Variants in ZMYM1 observed in about 807,000 individuals in gnomAD.
ZMYM1 encodes zinc finger MYM-type containing 1, also known as zinc finger MYM-type protein 1.
In ZMYM1, 39 loss-of-function variants were observed where a neutral mutation model predicts 60.0. The observed-to-expected ratio is 0.65, with a 90% CI of 0.50 to 0.85. The LOEUF (loss-of-function observed/expected upper bound fraction) is 0.85. Among genes scored for constraint, ZMYM1 ranks in the 40% least tolerant of loss-of-function variants. The pLI is 0.00. For missense variants in ZMYM1, 1,171 were observed against 1,309.5 expected (o/e 0.89, Z 1.63); for synonymous variants, 413 against 454.0 (o/e 0.91, Z 1.15).
chr1:35,067,874 C>CA (rs1241912230), intron 1 of ZMYM1, among the ~76,000 whole-genome samples: 7 of 147,898 alleles, frequency 4.7e-5, no homozygotes, highest in East Asian at 2.0e-4. Context: ...AAGTTCTGTC[C>CA]AAAAAAAACA....
At chr1:35,084,625 T>C (rs533351809) in intron 1 of ZMYM1, among the ~76,000 whole-genome samples, 8 of 152,328 alleles carry the variant, frequency 5.3e-5, no homozygotes, top group African/African-American at 1.7e-4. Flanking sequence ...GAAATCCAGG[T>C]CTTTACCAAA....
In ZMYM1 at chr1:35,099,056, G is replaced by A. The variant is rs141155757; in HGVS notation, c.419+1490G>A. Among the ~76,000 whole-genome samples, 705 of 152,252 alleles carry A rather than the reference G, an allele frequency of 4.6e-3. 5 individuals carry two copies. The highest frequency in any genetic ancestry group is 7.4e-3 in the Admixed American group (113 of 15,282). ...TGATAAATGTACAAAAGAATTATGA[G>A]CATTAAATAGTATATTTAAGTGGTC... On this transcript the variant is annotated intron_variant, in intron 4 of 9. Coordinates refer to ENST00000359858, the MANE Select transcript of ZMYM1 (RefSeq NM_024772.5).
chr1:35,104,369 T>G lies in ZMYM1; in HGVS notation c.494T>G (p.Leu165Arg). 4 of 1,612,956 alleles carry G rather than the reference T, an allele frequency of 2.5e-6. No individual in the cohort carries two copies. The highest frequency in any genetic ancestry group is 3.4e-6 in the Non-Finnish European group (4 of 1,179,660). Residue 165 changes from leucine to arginine, a missense_variant, in exon 5 of 10, where the codon CTA (leucine) becomes CGA (arginine). Transcript: ENST00000359858. Reference sequence around the variant, plus strand: ...ACCTCTTGCAAAACTTTTTGCAGCCTATCTTGTCTTTCATCATATGAAGAA... The same window carrying G: ...ACCTCTTGCAAAACTTTTTGCAGCCGATCTTGTCTTTCATCATATGAAGAA... ...DTTSCKTFCS[L>R]SCLSSYEEKR...
chr1:35,066,246 G>A (rs186583783), intron 1 of ZMYM1, among the ~76,000 whole-genome samples: 2 of 152,332 alleles, frequency 1.3e-5, no homozygotes, highest in African/African-American at 2.4e-5. Context: ...TGCCCAGGCT[G>A]GAGTGCAGTG....
chr1:35,088,424 G>C (rs894395376), intron 1 of ZMYM1, among the ~76,000 whole-genome samples: 3 of 99,476 alleles, frequency 3.0e-5, no homozygotes, highest in South Asian at 4.0e-4. Flanking sequence ...TCTCAAAAAT[G>C]TGTTTATGTG....
chr1:35,107,852 G>A (rs561509882), intron 6 of ZMYM1, among the ~76,000 whole-genome samples: 13 of 152,304 alleles, frequency 8.5e-5, no homozygotes, highest in Admixed American at 1.3e-4. Flanking sequence ...GCTCACGCCT[G>A]TAATCCCAGC....
At chr1:35,073,107 A>C (rs1642097015) in intron 1 of ZMYM1, among the ~76,000 whole-genome samples, 1 of 151,060 alleles carries the variant, frequency 6.6e-6, no homozygotes, top group Admixed American at 6.6e-5. Context: ...AAAAATACGA[A>C]AAATTAGCCA....
Position 35,115,359 on chromosome 1 carries a change from T to C in ZMYM1, c.*100T>C. 5 of 1,326,188 alleles carry C rather than the reference T, an allele frequency of 3.8e-6. No homozygotes were observed. Among genetic ancestry groups the C allele is most frequent in the Non-Finnish European group, 5.0e-6 (5 of 995,792 alleles). The allele number at this position is 1,326,188 out of a possible 1,614,324, so 82.2% of individuals were successfully genotyped here. ...TCAAAAGACACAGAACGATAAACAG[T>C]GAAGTCTCCTTCCCTCCTTTAGAAC... is the stretch of plus-strand genomic sequence containing the variant. On this transcript the variant is annotated 3_prime_UTR_variant, in exon 10 of 10. Coordinates refer to ENST00000359858, the MANE Select transcript of ZMYM1 (RefSeq NM_024772.5).
chr1:35,117,400 A>G (rs1162946551), downstream of ZMYM1, among the ~76,000 whole-genome samples: 5 of 151,446 alleles, frequency 3.3e-5, no homozygotes, highest in African/African-American at 1.2e-4. Flanking sequence ...GCTCACTGCA[A>G]CCTCCACCTC....
At chr1:35,103,737 ACAT>A (rs1227761213) in intron 4 of ZMYM1, among the ~76,000 whole-genome samples, 1 of 152,188 alleles carries the variant, frequency 6.6e-6, no homozygotes, top group East Asian at 1.9e-4. Context: ...GATGTTGCAA[ACAT>A]CAACACGGTG....
chr1:35,110,382 C>T lies in ZMYM1; in HGVS notation c.896C>T (p.Thr299Ile). ...MIETTSDLGK[T>I]ELFCSINCFS... Reference sequence around the variant, plus strand: ...GAGACTACGAGTGATTTGGGGAAGACAGAGCTTTTCTGCTCTATTAATTGT... The same window carrying T: ...GAGACTACGAGTGATTTGGGGAAGATAGAGCTTTTCTGCTCTATTAATTGT... Residue 299 changes from threonine to isoleucine, a missense_variant, in exon 7 of 10, where the codon ACA becomes ATA. Coordinates refer to ENST00000359858, the MANE Select transcript of ZMYM1 (RefSeq NM_024772.5). 6 of 1,594,110 alleles carry T rather than the reference C, an allele frequency of 3.8e-6. No homozygotes were observed. The highest frequency in any genetic ancestry group is 5.1e-6 in the Non-Finnish European group (6 of 1,171,426).
chr1:35,079,121 G>A (rs1410779057), upstream of ZMYM1: 1 of 152,218 alleles, frequency 6.6e-6, no homozygotes, highest in Admixed American at 6.5e-5. Context: ...CAGCTAATAA[G>A]TAGTAAAGCC....
intron 3 of ZMYM1, among the ~76,000 whole-genome samples, chr1:35,096,324 A>AAGAG (rs1267134827): frequency 6.6e-6 from 1 of 150,980 alleles, no homozygotes; most frequent in African/African-American, 2.4e-5. Context: ...AAAAAAAAAA[A>AAGAG]AGAGAAGAAA....
At chr1:35,081,566 A>T (rs572253043) in intron 1 of ZMYM1, among the ~76,000 whole-genome samples, 1 of 152,272 alleles carries the variant, frequency 6.6e-6, no homozygotes, top group East Asian at 1.9e-4. Flanking sequence ...TTCTCTCAGC[A>T]ATGTTTTGTT....
At chr1:35,112,208 C>A (rs542068940) in intron 9 of ZMYM1, 78 bp downstream of exon 9, 2 of 1,453,748 alleles carry the variant, frequency 1.4e-6, no homozygotes, top group Admixed American at 1.7e-5. Context: ...GACAGAGTCT[C>A]GCTCTGCCAC....
At chr1:35,115,896 G>T (rs1051877223), downstream of ZMYM1, 2 of 152,064 alleles carry the variant, frequency 1.3e-5, no homozygotes, top group Non-Finnish European at 2.9e-5. Context: ...TTTAAAAATG[G>T]CGTTTTAATC....
intron 1 of ZMYM1, among the ~76,000 whole-genome samples, chr1:35,092,897 T>C (rs1643108255): frequency 6.6e-6 from 1 of 152,194 alleles, no homozygotes; most frequent in Non-Finnish European, 1.5e-5. Flanking sequence ...AGTGTTGGGA[T>C]TACAGGCGTG....
intron 1 of ZMYM1, among the ~76,000 whole-genome samples, chr1:35,092,546 GTCTTT>G (rs573933963): frequency 7.9e-4 from 119 of 151,230 alleles, no homozygotes; most frequent in African/African-American, 1.8e-3. Flanking sequence ...CGGCCAACAG[GTCTTT>G]TCTTTTCTTT....
intron 1 of ZMYM1, among the ~76,000 whole-genome samples, chr1:35,086,927 C>T (rs1642685543): frequency 6.6e-6 from 1 of 151,434 alleles, no homozygotes; most frequent in Non-Finnish European, 1.5e-5. Flanking sequence ...CTGTGATCCA[C>T]CCACCTCAGC....
Sources: allele counts gnomAD v4.1 joint callset (sites outside exome capture counted in the v4.1 genomes callset), GRCh38; gene constraint gnomAD v4.1.1; transcripts MANE v1.5; gene names NCBI Gene and HGNC (gene_info 2026-07-23, HGNC 2026-07-21).